Variants in NTNG1 observed in about 807,000 individuals in gnomAD.
The protein encoded by NTNG1 is netrin G1.
Under a neutral mutation model 54.0 loss-of-function variants are expected in NTNG1, and 16 were observed. The observed-to-expected ratio is 0.30, with a 90% CI of 0.20 to 0.45. The LOEUF is 0.45. Among genes scored for constraint, NTNG1 ranks in the 20% least tolerant of loss-of-function variants. The pLI is 1.00. For missense variants in NTNG1, 530 were observed against 678.7 expected, an observed-to-expected ratio of 0.78 and a Z score of 2.43; for synonymous variants, 255 against 263.1, an observed-to-expected ratio of 0.97 and a Z score of 0.30.
intron 3 of NTNG1, among the ~76,000 whole-genome samples, chr1:107,327,719 A>G (rs1299986036): frequency 2.0e-5 from 3 of 152,008 alleles, no homozygotes; most frequent in African/African-American, 7.2e-5. Flanking sequence ...CCCCACCATA[A>G]TGTGGAAATT....
At chr1:107,261,854 C>G (rs530964354) in intron 2 of NTNG1, among the ~76,000 whole-genome samples, 1 of 151,950 alleles carries the variant, frequency 6.6e-6, no homozygotes, top group African/African-American at 2.4e-5. Context: ...AAAAACAAAA[C>G]AAAACAAAAA....
chr1:107,420,168 G>C (rs1674485506), intron 5 of NTNG1, among the ~76,000 whole-genome samples: 1 of 152,006 alleles, frequency 6.6e-6, no homozygotes, highest in African/African-American at 2.4e-5. Context: ...CCTGAAATAG[G>C]CCCATTTAAT....
At chr1:107,266,160 T>C (rs553271692) in intron 2 of NTNG1, among the ~76,000 whole-genome samples, 1 of 152,190 alleles carries the variant, frequency 6.6e-6, no homozygotes, top group Non-Finnish European at 1.5e-5. Context: ...TGTGGTAATA[T>C]GAAATTGGGA....
intron 2 of NTNG1, among the ~76,000 whole-genome samples, chr1:107,281,646 T>C (rs919768245): frequency 6.6e-6 from 1 of 152,098 alleles, no homozygotes; most frequent in African/African-American, 2.4e-5. Flanking sequence ...TGGTTATATA[T>C]ACATATATAT....
intron 1 of NTNG1, among the ~76,000 whole-genome samples, 190 bp from the exon 2 acceptor site, chr1:107,147,879 A>G (rs1168681427): frequency 6.6e-6 from 1 of 152,158 alleles, no homozygotes; most frequent in Non-Finnish European, 1.5e-5. Context: ...TAAATCCTTC[A>G]TATTAAAATT....
chr1:107,373,683 CTTTTT>C (rs1205375963), intron 3 of NTNG1, among the ~76,000 whole-genome samples: 1 of 147,856 alleles, frequency 6.8e-6, no homozygotes, highest in Non-Finnish European at 1.5e-5. Flanking sequence ...ATTCAGCCTT[CTTTTT>C]TATTTTTTAT....
intron 7 of NTNG1, among the ~76,000 whole-genome samples, chr1:107,477,763 G>C (rs1678423450): frequency 6.6e-6 from 1 of 151,876 alleles, no homozygotes; most frequent in African/African-American, 2.4e-5. Flanking sequence ...GTGTTTGTGT[G>C]TTTATTTTCC....
intron 2 of NTNG1, among the ~76,000 whole-genome samples, chr1:107,231,649 T>C (rs1207483165): frequency 1.3e-5 from 2 of 152,122 alleles, no homozygotes; most frequent in African/African-American, 2.4e-5. Context: ...GAAGGGAAGA[T>C]AACCAAACAG....
At chr1:107,336,032 A>C (rs1668554846) in intron 3 of NTNG1, among the ~76,000 whole-genome samples, 3 of 151,928 alleles carry the variant, frequency 2.0e-5, no homozygotes, top group Admixed American at 2.0e-4. Context: ...ATTTAATAGA[A>C]TCTCTATCAA....
intron 2 of NTNG1, among the ~76,000 whole-genome samples, chr1:107,162,735 A>G (rs1252096806): frequency 2.6e-5 from 4 of 152,186 alleles, no homozygotes; most frequent in African/African-American, 7.2e-5. Flanking sequence ...AATTTGTATA[A>G]AAGTCCTTCT....
intron 7 of NTNG1, among the ~76,000 whole-genome samples, chr1:107,480,084 C>T (rs1030175295): frequency 9.2e-5 from 14 of 152,048 alleles, no homozygotes; most frequent in East Asian, 5.8e-4. Flanking sequence ...CCCCACCCCT[C>T]CTCATCCCCA....
At chr1:107,478,314 G>T (rs1678464994) in intron 7 of NTNG1, among the ~76,000 whole-genome samples, 1 of 152,036 alleles carries the variant, frequency 6.6e-6, no homozygotes, top group Non-Finnish European at 1.5e-5. Flanking sequence ...TTTCTCTATT[G>T]ATCTCCTACA....
chr1:107,147,170 T>C (rs1325119330), intron 1 of NTNG1, among the ~76,000 whole-genome samples: 1 of 152,166 alleles, frequency 6.6e-6, no homozygotes, highest in East Asian at 1.9e-4. Context: ...GCATTATCAG[T>C]TAATCAAAAG....
chr1:107,210,888 G>A (rs1180020963), intron 2 of NTNG1, among the ~76,000 whole-genome samples: 1 of 152,062 alleles, frequency 6.6e-6, no homozygotes, highest in Non-Finnish European at 1.5e-5. Flanking sequence ...GAGTTTATAA[G>A]ACGCTCCTGT....
chr1:107,193,054 C>A (rs1658076852), intron 2 of NTNG1, among the ~76,000 whole-genome samples: 1 of 151,962 alleles, frequency 6.6e-6, no homozygotes, highest in East Asian at 1.9e-4. Context: ...GAAATAAATG[C>A]CCTTGAACAT....
In NTNG1 at chr1:107,306,416, A is replaced by G. The variant is rs148692478; in HGVS notation, c.247-17866A>G. Among the ~76,000 whole-genome samples the G allele has an allele frequency of 1.6e-3, 248 of 152,334 alleles. 2 individuals carry two copies. In the East Asian group the frequency reaches 0.036, roughly 22 times the overall value. ...TACCTTCATGTGGCTCATGGCTCCC[A>G]TATGGGACAACACAGGGCTGAACTG... On this transcript the variant is annotated intron_variant, in intron 2 of 7. Coordinates refer to ENST00000370068, the MANE Select transcript of NTNG1 (RefSeq NM_001113226.3).
chr1:107,162,032 T>TATGTACATA (rs1365296002), intron 2 of NTNG1, among the ~76,000 whole-genome samples: 1 of 152,142 alleles, frequency 6.6e-6, no homozygotes, highest in African/African-American at 2.4e-5. Context: ...ATACTATATA[T>TATGTACATA]ATGTACATAT....
chr1:107,146,230 A>T (rs1654100689), intron 1 of NTNG1, among the ~76,000 whole-genome samples: 1 of 152,114 alleles, frequency 6.6e-6, no homozygotes, highest in African/African-American at 2.4e-5. Flanking sequence ...ATTACTGTGT[A>T]TTTGAAACTA....
At chr1:107,293,537 A>G (rs1665754400) in intron 2 of NTNG1, among the ~76,000 whole-genome samples, 2 of 152,206 alleles carry the variant, frequency 1.3e-5, no homozygotes, top group South Asian at 4.1e-4. Flanking sequence ...AATGTTCCCA[A>G]TGTCTTGGAA....
Sources: allele counts gnomAD v4.1 joint callset (sites outside exome capture counted in the v4.1 genomes callset), GRCh38; gene constraint gnomAD v4.1.1; transcripts MANE v1.5; gene names NCBI Gene and HGNC (gene_info 2026-07-23, HGNC 2026-07-21).